The following GRTP1 variants were observed in gnomAD, a reference collection of about 807,000 sequenced individuals.
GRTP1 encodes growth hormone regulated TBC protein 1.
In GRTP1, 56 loss-of-function variants were observed where a neutral mutation model predicts 38.1. That is an observed-to-expected ratio of 1.47 (90% CI 1.19 to 1.84). The LOEUF is 1.84. GRTP1 is among the 40% of genes most tolerant of loss of function. The pLI is 0.00. For synonymous variants in GRTP1, 217 were observed against 189.5 expected, an observed-to-expected ratio of 1.14 and a Z score of -1.19; for missense variants, 506 against 453.9, an observed-to-expected ratio of 1.11 and a Z score of -1.04.
intron 5 of GRTP1, among the ~76,000 whole-genome samples, chr13:113,334,299 G>A (rs538508098): frequency 3.3e-5 from 2 of 59,900 alleles, no homozygotes; most frequent in Admixed American, 2.6e-4. Context: ...CGCCCACCCT[G>A]CACTGCTACG....
At position 113,326,099 on chromosome 13, in the gene GRTP1, G is replaced by A; in HGVS notation, c.563-8C>T. ...TGGCCGGGCTGTAGTAATCTGCCAG[G>A]CAATGTGGAGAAAAGACCCCGAGAC... On this transcript the variant is annotated splice_region_variant and splice_polypyrimidine_tract_variant and intron_variant, in intron 5 of 7. Transcript: ENST00000375431. 6.2e-7 allele frequency: 1 copy of A among 1,605,722 alleles called. No individual in the cohort carries two copies. Among genetic ancestry groups the A allele is most frequent in the Non-Finnish European group, 8.5e-7 (1 of 1,179,758 alleles).
chr13:113,325,421 A>AT, intron 7 of GRTP1: 11 of 1,442,556 alleles, frequency 7.6e-6, no homozygotes, highest in Non-Finnish European at 9.9e-6. Flanking sequence ...GAGTACAGCC[A>AT]TTAGGACCAG....
At chr13:113,363,553 G>C (rs922804044) in intron 2 of GRTP1, among the ~76,000 whole-genome samples, 3 of 152,150 alleles carry the variant, frequency 2.0e-5, no homozygotes, top group Admixed American at 6.5e-5. Flanking sequence ...TGGGAGGGAC[G>C]GGTCTCCTTC....
intron 5 of GRTP1, among the ~76,000 whole-genome samples, chr13:113,337,277 G>A (rs1278340228): frequency 6.6e-6 from 1 of 152,178 alleles, no homozygotes; most frequent in Non-Finnish European, 1.5e-5. Flanking sequence ...CCTGGCAACA[G>A]TGAGATCCTG....
chr13:113,330,514 A>G (rs1163788096), intron 5 of GRTP1, among the ~76,000 whole-genome samples: 49 of 136,438 alleles, frequency 3.6e-4, no homozygotes, highest in Admixed American at 8.5e-4. Context: ...ATGGGAGCCC[A>G]GGTGTGTGCA....
At chr13:113,330,790 C>CAAA (rs1267383960) in intron 5 of GRTP1, among the ~76,000 whole-genome samples, 14 of 32 alleles carry the variant, frequency 0.44, 7 homozygotes, top group South Asian at 1. Context: ...GTGCATGGAG[C>CAAA]CCAGGTGCGT....
Position 113,362,308 on chromosome 13 carries a change from C to T in GRTP1, c.181+1454G>A, listed in dbSNP as rs1291555341. ...TCGCACCACTGCACTCCAGCCTGGG[C>T]GACAGAGTGAGACTCTGTCTCAAAA... is the stretch of plus-strand genomic sequence containing the variant. On this transcript the variant is annotated intron_variant, in intron 2 of 7. Coordinates refer to ENST00000375431, the MANE Select transcript of GRTP1 (RefSeq NM_024719.4). Among the ~76,000 whole-genome samples the T allele has an allele frequency of 5.9e-5, 9 of 151,902 alleles. No individual in the cohort carries two copies. In the East Asian group the frequency reaches 1.5e-3, roughly 26 times the overall value.
rs746203251 is a variant in GRTP1 at position 113,324,346 on chromosome 13, CTT to C, written c.*140_*141del. 29 of 1,265,844 alleles carry C rather than the reference CTT, an allele frequency of 2.3e-5. No individual in the cohort carries two copies. The highest frequency in any genetic ancestry group is 3.0e-5 in the East Asian group (1 of 33,470). 78.4% of individuals were successfully genotyped at this position (1,265,844 alleles called of 1,614,324 possible). ...TAGAATGACCTGATTTTAAACTGCT[CTT>C]TTAAAAAATTCACAACTAAAGTGTA... On this transcript the variant is annotated 3_prime_UTR_variant, in exon 8 of 8. Transcript: ENST00000375431.
chr13:113,334,280 A>ACTGCCCCCCGCC (rs1202504022), intron 5 of GRTP1, among the ~76,000 whole-genome samples: 69 of 142,560 alleles, frequency 4.8e-4, no homozygotes, highest in Non-Finnish European at 7.6e-4. Context: ...CACTGCCACG[A>ACTGCCCCCCGCC]CAGCCTCCCG....
At chr13:113,363,963 C>G in intron 1 of GRTP1, 53 bp from the exon 2 acceptor site, 1 of 1,558,326 alleles carries the variant, frequency 6.4e-7, no homozygotes, top group Non-Finnish European at 8.7e-7. Flanking sequence ...TCTGGGGGGT[C>G]GCGGGCCCGC....
At chr13:113,331,000 G>A (rs1245271943) in intron 5 of GRTP1, among the ~76,000 whole-genome samples, 1 of 148,570 alleles carries the variant, frequency 6.7e-6, no homozygotes, top group Non-Finnish European at 1.5e-5. Flanking sequence ...CCAGGCGTGT[G>A]CATGGAAAGC....
At position 113,343,585 on chromosome 13, in the gene GRTP1, T is replaced by C. The variant is rs7337777; in HGVS notation, c.562+1278A>G. ...CCAGGATCTGAACCAGGCTCTGCCA[T>C]GTACAGCGGTGGTCAGGCCAGCACG... On this transcript the variant is annotated intron_variant, in intron 5 of 7. Coordinates refer to ENST00000375431, the MANE Select transcript of GRTP1 (RefSeq NM_024719.4). The surrounding 1 kb of genome is among the most constrained non-coding windows in gnomAD (Gnocchi z 4.8). Among the ~76,000 whole-genome samples the C allele has an allele frequency of 0.18, 27,333 of 152,224 alleles. 2,856 individuals carry two copies. The highest frequency in any genetic ancestry group is 0.28 in the African/African-American group (11,625 of 41,522).
intron 5 of GRTP1, among the ~76,000 whole-genome samples, chr13:113,337,587 G>A (rs1244143160): frequency 6.6e-6 from 1 of 152,244 alleles, no homozygotes; most frequent in African/African-American, 2.4e-5. Context: ...TGCTTTCTGC[G>A]CAACCCTCTC....
intron 2 of GRTP1, among the ~76,000 whole-genome samples, chr13:113,363,100 G>C (rs932460704): frequency 3.3e-5 from 5 of 152,222 alleles, no homozygotes; most frequent in African/African-American, 7.2e-5. Flanking sequence ...GGGCGCCCCG[G>C]AGGAGGGGGC....
At chr13:113,353,701 T>G (rs971848143) in intron 3 of GRTP1, among the ~76,000 whole-genome samples, 1 of 152,108 alleles carries the variant, frequency 6.6e-6, no homozygotes, top group Non-Finnish European at 1.5e-5. Context: ...TGCTTAACAA[T>G]GGGGAAGCTC....
At chr13:113,328,374 G>A (rs2042806996) in intron 5 of GRTP1, among the ~76,000 whole-genome samples, 1 of 152,224 alleles carries the variant, frequency 6.6e-6, no homozygotes, top group Admixed American at 6.5e-5. Flanking sequence ...GTCTGCACAT[G>A]GCTGTGGCTT....
chr13:113,363,957 G>A, intron 1 of GRTP1, 47 bp from the exon 2 acceptor site: 4 of 1,580,378 alleles, frequency 2.5e-6, no homozygotes, highest in Non-Finnish European at 3.4e-6. Context: ...GTTTCCTCTG[G>A]GGGGTCGCGG....
At chr13:113,328,800 C>G (rs890173337) in intron 5 of GRTP1, among the ~76,000 whole-genome samples, 4 of 152,246 alleles carry the variant, frequency 2.6e-5, no homozygotes, top group African/African-American at 9.6e-5. Flanking sequence ...AAAGGAGTTT[C>G]CATTCCCAGG....
intron 5 of GRTP1, among the ~76,000 whole-genome samples, chr13:113,330,028 G>C (rs2042834789): frequency 6.6e-6 from 1 of 151,484 alleles, no homozygotes; most frequent in Admixed American, 6.6e-5. Flanking sequence ...TGCGTACATG[G>C]AAACCCAGGT....
Sources: allele counts gnomAD v4.1 joint callset (sites outside exome capture counted in the v4.1 genomes callset), GRCh38; gene constraint gnomAD v4.1.1; non-coding constraint Gnocchi (gnomAD v3.1); transcripts MANE v1.5; gene names NCBI Gene and HGNC (gene_info 2026-07-23, HGNC 2026-07-21).